The following PRICKLE2 variants were observed in gnomAD, a reference collection of about 807,000 sequenced individuals.
The protein encoded by PRICKLE2 is prickle-like protein 2.
Under a neutral mutation model 81.4 loss-of-function variants are expected in PRICKLE2, and 21 were observed. The ratio of observed to expected loss-of-function variants is 0.26; its 90% confidence interval spans 0.18 to 0.37. The LOEUF (loss-of-function observed/expected upper bound fraction) is 0.37. Among genes scored for constraint, PRICKLE2 ranks in the 10% least tolerant of loss-of-function variants. PRICKLE2 has a pLI of 1.00. For synonymous variants in PRICKLE2, 456 were observed against 421.5 expected, an observed-to-expected ratio of 1.08 and a Z score of -1.00; for missense variants, 940 against 1,109.0, an observed-to-expected ratio of 0.85 and a Z score of 2.16.
Position 64,165,966 on chromosome 3 carries a change from GTGTGT to G in PRICKLE2, c.145-2842_145-2838del, listed in dbSNP as rs2077822856. ...AAAAATGGCAAACTGTTATAAAGGTGTGTGTGTGTGTGTGTGTGTGTGTGTGTGTG... is the reference window on the plus strand; with the variant it reads ...AAAAATGGCAAACTGTTATAAAGGTGGTGTGTGTGTGTGTGTGTGTGTGTG... On this transcript the variant is annotated intron_variant, in intron 2 of 7. Coordinates refer to ENST00000638394, the MANE Select transcript of PRICKLE2 (RefSeq NM_198859.4). Among the ~76,000 whole-genome samples, 70 of 121,360 alleles carry G rather than the reference GTGTGT, an allele frequency of 5.8e-4. 1 individual carries two copies. The highest frequency in any genetic ancestry group is 1.6e-3 in the African/African-American group (47 of 29,550). The allele number at this position is 121,360 out of a possible 152,430, so 79.6% of individuals were successfully genotyped here.
At chr3:64,126,484 T>C (rs554171386) in intron 7 of PRICKLE2, among the ~76,000 whole-genome samples, 2 of 152,362 alleles carry the variant, frequency 1.3e-5, no homozygotes, top group South Asian at 2.1e-4. Context: ...TGGTTTTAAA[T>C]GGTCATCGAG....
chr3:64,140,442 T>C (rs2077342483), intron 7 of PRICKLE2, among the ~76,000 whole-genome samples: 1 of 152,228 alleles, frequency 6.6e-6, no homozygotes, highest in African/African-American at 2.4e-5. Flanking sequence ...CAGCTCTCTA[T>C]GAACAGCCAC....
chr3:64,237,448 C>T (rs527832938), intron 2 of PRICKLE2, among the ~76,000 whole-genome samples: 160 of 152,184 alleles, frequency 1.1e-3, no homozygotes, highest in Non-Finnish European at 1.8e-3. Context: ...CGGCCGAACT[C>T]TTCTCCGAGG....
At position 64,139,659 on chromosome 3, in the gene PRICKLE2, G is replaced by A. The variant is rs116071803; in HGVS notation, c.1660+7171C>T. 6.7e-3 allele frequency among the ~76,000 whole-genome samples: 1,019 copies of A among 152,264 alleles called. 16 individuals are homozygous for A. Among genetic ancestry groups the A allele is most frequent in the African/African-American group, 0.023 (951 of 41,544 alleles). On this transcript the variant is annotated intron_variant, in intron 7 of 7. Transcript: ENST00000638394. ...GGGCCTGACATTTTAAGGGTTTTCCGTTGCCCTTATTAGAAAGGCCTACAC... is the reference window on the plus strand; with the variant it reads ...GGGCCTGACATTTTAAGGGTTTTCCATTGCCCTTATTAGAAAGGCCTACAC...
intron 7 of PRICKLE2, among the ~76,000 whole-genome samples, chr3:64,138,911 A>G (rs780843276): frequency 1.3e-5 from 2 of 152,270 alleles, no homozygotes; most frequent in Non-Finnish European, 2.9e-5. Flanking sequence ...ATATTTAAAT[A>G]AAGAAATTGG....
chr3:64,100,131 C>T (rs1382345994), intron 7 of PRICKLE2: 3 of 588,114 alleles, frequency 5.1e-6, no homozygotes, highest in South Asian at 2.1e-5. Context: ...GGGGCACTTA[C>T]TTAAAATGCT....
intron 1 of PRICKLE2, among the ~76,000 whole-genome samples, chr3:64,201,461 A>T (rs1198008967): frequency 6.6e-6 from 1 of 152,042 alleles, no homozygotes; most frequent in Non-Finnish European, 1.5e-5. Context: ...ACAGTATTTA[A>T]TTGTGGTTTT....
chr3:64,164,096 G>C (rs1575607843), intron 2 of PRICKLE2, among the ~76,000 whole-genome samples: 2 of 152,206 alleles, frequency 1.3e-5, no homozygotes, highest in Non-Finnish European at 2.9e-5. Flanking sequence ...TATTTGGCCA[G>C]GCATGGTGGC....
intron 2 of PRICKLE2, among the ~76,000 whole-genome samples, chr3:64,189,471 G>A (rs539050836): frequency 3.3e-5 from 5 of 152,184 alleles, no homozygotes; most frequent in Non-Finnish European, 5.9e-5. Context: ...GCTCTTCACT[G>A]TGCATGAGGA....
At chr3:64,163,590 C>T (rs1252333992) in intron 2 of PRICKLE2, 1 of 188,492 alleles carries the variant, frequency 5.3e-6, no homozygotes, top group Non-Finnish European at 1.1e-5. Context: ...GTACCTCAGC[C>T]TCCACCTACA....
chr3:64,198,211 AAAATAAATAAATAAATAAATAAAT>A (rs71099792), intron 2 of PRICKLE2, among the ~76,000 whole-genome samples: 1 of 145,088 alleles, frequency 6.9e-6, no homozygotes, highest in Non-Finnish European at 1.5e-5. Flanking sequence ...GACTCTATCT[AAAATAAATAAATAAATAAATAAAT>A]AAATAAATAA....
intron 7 of PRICKLE2, among the ~76,000 whole-genome samples, chr3:64,114,352 G>C (rs1244734211): frequency 6.6e-6 from 1 of 152,152 alleles, no homozygotes; most frequent in Non-Finnish European, 1.5e-5. Flanking sequence ...TTCCAGCAAG[G>C]AATCATAACT....
At chr3:64,178,003 T>A (rs1303325435) in intron 2 of PRICKLE2, among the ~76,000 whole-genome samples, 1 of 152,212 alleles carries the variant, frequency 6.6e-6, no homozygotes, top group Non-Finnish European at 1.5e-5. Flanking sequence ...GGCTGCACCA[T>A]TTTACATTGT....
In PRICKLE2 at chr3:64,099,269, C is replaced by T. The variant is rs1427574187; in HGVS notation, c.2317G>A (p.Asp773Asn). Residue 773 changes from aspartate (D) to asparagine (N), a missense_variant, in exon 8 of 8, where the codon GAT (aspartate) becomes AAT (asparagine). By Grantham distance (23) the Asp-to-Asn change is conservative. Around this residue, in one of 2 missense-constraint regions of PRICKLE2, gnomAD observed 670 missense variants for 717.2 expected, o/e 0.93. Coordinates refer to ENST00000638394, the MANE Select transcript of PRICKLE2 (RefSeq NM_198859.4). This position sits in a 1 kb window ranked among gnomAD's most constrained non-coding sequence, Gnocchi z 4.3. ...GAGGAGGAGCAGGTGGAACACCAAT[C>T]ATACTCGGCGAAGTAGGGTCCCCAG... ...DRWGPYFAEY[D>N]WCSTCSSSSE... The T allele has an allele frequency of 6.2e-7, 1 of 1,614,182 alleles. No individual in the cohort carries two copies. Among genetic ancestry groups the T allele is most frequent in the Non-Finnish European group, 8.5e-7 (1 of 1,180,024 alleles).
At chr3:64,174,676 C>A in intron 2 of PRICKLE2, 1 of 204,236 alleles carries the variant, frequency 4.9e-6, no homozygotes, top group South Asian at 1.0e-4. Flanking sequence ...GTGCTTTTCT[C>A]CTATCCTTTG....
rs2079014845 is a variant in PRICKLE2, at chr3:64,225,242, A to G, written c.-373T>C. On this transcript the variant is annotated 5_prime_UTR_variant, in exon 1 of 8. Coordinates refer to ENST00000638394, the MANE Select transcript of PRICKLE2 (RefSeq NM_198859.4). ...CCTGAGTGCTCAGATCGCCTTCCGG[A>G]GGACCCCCAGTTTCCTCTTAACTCC... is the stretch of plus-strand genomic sequence containing the variant. The G allele has an allele frequency of 9.1e-6, 9 of 985,280 alleles. No individual in the cohort carries two copies. The highest frequency in any genetic ancestry group is 1.1e-5 in the Non-Finnish European group (9 of 830,008). The allele number at this position is 985,280 out of a possible 1,614,324, so 61.0% of individuals were successfully genotyped here. A position where few individuals can be genotyped will look rare whatever the true frequency, so the allele number is the denominator to read the frequency against.
intron 2 of PRICKLE2, among the ~76,000 whole-genome samples, chr3:64,197,583 C>T (rs1429212871): frequency 6.6e-6 from 1 of 152,148 alleles, no homozygotes; most frequent in African/African-American, 2.4e-5. Flanking sequence ...GGCCATTACC[C>T]TTAGCAAACT....
chr3:64,110,937 G>A (rs2076835216), intron 7 of PRICKLE2, among the ~76,000 whole-genome samples: 1 of 134,160 alleles, frequency 7.5e-6, no homozygotes, highest in African/African-American at 2.8e-5. Flanking sequence ...ACTCCAGCCT[G>A]GGAGACAGAC....
chr3:64,226,676 A>G (rs139907851), upstream of PRICKLE2, among the ~76,000 whole-genome samples: 539 of 152,378 alleles, frequency 3.5e-3, 2 homozygotes, highest in Admixed American at 9.0e-3. Context: ...AAATTCACCG[A>G]GGCATACTAT....
Sources: gnomAD v4.1 joint callset for allele counts (sites outside exome capture counted in the v4.1 genomes callset) on GRCh38, gnomAD v4.1.1 for gene constraint, gnomAD v4.1.1 regional missense constraint, Gnocchi (gnomAD v3.1) non-coding constraint, MANE v1.5 for transcripts, NCBI Gene and HGNC (gene_info 2026-07-23, HGNC 2026-07-21) for gene names.